Variants in MTFR2 observed in about 807,000 individuals in gnomAD.
MTFR2 encodes the protein DUF729 domain-containing protein 1.
A neutral mutation model predicts 41.2 loss-of-function variants in MTFR2; 44 were observed. The ratio of observed to expected loss-of-function variants is 1.07; its 90% CI spans 0.84 to 1.37. The LOEUF (loss-of-function observed/expected upper bound fraction) is 1.37. Among genes scored for constraint, MTFR2 ranks in the 40% most tolerant of loss-of-function variants. The pLI is 0.00. For missense variants in MTFR2, 452 were observed against 459.5 expected, an observed-to-expected ratio of 0.98 and a Z score of 0.15; for synonymous variants, 141 against 154.6, an observed-to-expected ratio of 0.91 and a Z score of 0.65.
In MTFR2 at chr6:136,239,586, TTC is replaced by T; in HGVS notation, c.747_748del (p.Asn250ProfsTer4). The T allele has an allele frequency of 1.2e-6, 2 of 1,614,098 alleles. No homozygotes were observed. Among genetic ancestry groups the T allele is most frequent in the South Asian group, 1.1e-5 (1 of 91,080 alleles). ...ATAATTGGTCTTATTAGCAGCCGGG[TTC>T]TGTTTGCTCATTTCAGTTGCTGGAT... On this transcript the variant is annotated frameshift_variant, in exon 6 of 8. Coordinates refer to ENST00000420702, the MANE Select transcript of MTFR2 (RefSeq NM_001099286.3). LOFTEE classifies it high-confidence loss of function.
At chr6:136,243,060 T>A in intron 3 of MTFR2, 87 bp from the exon 4 acceptor site, 2 of 759,158 alleles carry the variant, frequency 2.6e-6, no homozygotes, top group Non-Finnish European at 4.0e-6. Context: ...TAGTTAACAA[T>A]CCAAAAGAAA....
chr6:136,241,007 C>T (rs923359762), intron 5 of MTFR2, among the ~76,000 whole-genome samples: 6 of 151,002 alleles, frequency 4.0e-5, no homozygotes, highest in South Asian at 2.1e-4. Context: ...AGGAGAATGG[C>T]GTGAACCCGG....
At chr6:136,243,004 G>A in intron 3 of MTFR2, 31 bp from the exon 4 acceptor site, 1 of 1,496,868 alleles carries the variant, frequency 6.7e-7, no homozygotes. Flanking sequence ...AATAGTCAGA[G>A]CTCTGCAGGG....
In MTFR2 at chr6:136,242,943, CAG is replaced by C. The variant is rs767946861; in HGVS notation, c.197_198del (p.Ser66Ter). The C allele has an allele frequency of 3.4e-5, 54 of 1,610,128 alleles. No individual in the cohort carries two copies. The African/African-American group carries it at 7.0e-4, about 21-fold the overall frequency. ...ELIPLLNSVD[S>X]DNCGSMVPSF... ...GATGGAACCATAGATCCACAATTAT[CAG>C]AGTCTACAGAGTTCAAGAGCGGGAT... On this transcript the variant is annotated frameshift_variant, in exon 4 of 8. Coordinates refer to ENST00000420702, the MANE Select transcript of MTFR2 (RefSeq NM_001099286.3). LOFTEE classifies it high-confidence loss of function.
chr6:136,242,996 TAGTC>T (rs756388356), intron 3 of MTFR2, 23 bp from the exon 4 acceptor site: 91 of 1,545,626 alleles, frequency 5.9e-5, no homozygotes, highest in African/African-American at 9.8e-5. Context: ...AAGAAAAAAA[TAGTC>T]AGAGCTCTGC....
At chr6:136,241,731 G>GTTTATACCTCTTTTGATT in intron 4 of MTFR2, 55 bp from the exon 5 acceptor site, 1 of 1,345,510 alleles carries the variant, frequency 7.4e-7, no homozygotes, top group Non-Finnish European at 1.0e-6. Flanking sequence ...AATCAAAAGA[G>GTTTATACCTCTTTTGATT]GTATAAACTC....
intron 2 of MTFR2, chr6:136,248,788 C>T: frequency 2.2e-6 from 1 of 452,254 alleles, no homozygotes; most frequent in Non-Finnish European, 3.9e-6. Context: ...TTCTGTGAAG[C>T]TCATGTCTAT....
Position 136,233,318 on chromosome 6 carries a change from A to G in MTFR2, c.1044+7T>C. Reference sequence around the variant, plus strand: ...TGAAAAATTAATTTTACATTAGTGTAGCTTACCCTTGAAGTTTCTGGACTA... The same window carrying G: ...TGAAAAATTAATTTTACATTAGTGTGGCTTACCCTTGAAGTTTCTGGACTA... On this transcript the variant is annotated splice_region_variant and intron_variant, in intron 7 of 7. Transcript: ENST00000420702. The G allele has an allele frequency of 6.2e-7, 1 of 1,609,944 alleles. No individual in the cohort carries two copies.
In MTFR2 at chr6:136,231,043, A is replaced by T. The variant is rs538543787; in HGVS notation, c.*232T>A. The T allele has an allele frequency of 1.4e-5, 5 of 348,630 alleles. No homozygotes were observed. Among genetic ancestry groups the T allele is most frequent in the Non-Finnish European group, 2.6e-5 (5 of 194,538 alleles). 21.6% of individuals were successfully genotyped at this position (348,630 alleles called of 1,614,324 possible). ...ACAAAACACAAGCAAGTTCAAAAAG[A>T]ATGTTTATTTTAAGCTCTATGTACA... On this transcript the variant is annotated 3_prime_UTR_variant, in exon 8 of 8. Coordinates refer to ENST00000420702, the MANE Select transcript of MTFR2 (RefSeq NM_001099286.3).
chr6:136,237,707 G>C (rs1007075108), intron 6 of MTFR2, among the ~76,000 whole-genome samples: 23 of 151,956 alleles, frequency 1.5e-4, no homozygotes, highest in African/African-American at 5.6e-4. Flanking sequence ...CTACTCGGGA[G>C]GCTGCAGCAA....
chr6:136,237,110 C>T (rs1562208269), intron 6 of MTFR2, among the ~76,000 whole-genome samples: 1 of 152,186 alleles, frequency 6.6e-6, no homozygotes, highest in Non-Finnish European at 1.5e-5. Context: ...TGTGTAATCC[C>T]CATCCCTCCT....
intron 7 of MTFR2, among the ~76,000 whole-genome samples, chr6:136,232,206 A>G (rs1779779095): frequency 1.3e-5 from 2 of 152,194 alleles, no homozygotes; most frequent in South Asian, 4.2e-4. Context: ...CACACACTGG[A>G]GTGGCAATGT....
chr6:136,231,385 C>T lies in MTFR2; in HGVS notation c.1048G>A (p.Gly350Arg). The T allele has an allele frequency of 6.3e-7, 1 of 1,585,148 alleles. No homozygotes were observed. The highest frequency in any genetic ancestry group is 8.6e-7 in the Non-Finnish European group (1 of 1,161,450). The change falls in exon 8 of 8, where the codon GGA (glycine) becomes AGA (arginine). Residue 350 changes from glycine (G) to arginine (R), a missense_variant. Coordinates refer to ENST00000420702, the MANE Select transcript of MTFR2 (RefSeq NM_001099286.3). The part of the protein sequence containing the change: ...PFSSPETSRF[G>R]HHISQSEGQR... Reference sequence around the variant, plus strand: ...CCTTCTGACTGTGAAATGTGATGTCCAAACTGAAATAAAGCAAATATTTAA... The same window carrying T: ...CCTTCTGACTGTGAAATGTGATGTCTAAACTGAAATAAAGCAAATATTTAA...
At chr6:136,248,483 G>T (rs547586602) in intron 2 of MTFR2, among the ~76,000 whole-genome samples, 4 of 152,194 alleles carry the variant, frequency 2.6e-5, no homozygotes, top group Non-Finnish European at 4.4e-5. Context: ...AAGCTCTCTT[G>T]CCTGCCACCA....
At chr6:136,245,766 A>G (rs572857567) in intron 2 of MTFR2, among the ~76,000 whole-genome samples, 1 of 152,308 alleles carries the variant, frequency 6.6e-6, no homozygotes, top group Admixed American at 6.5e-5. Context: ...CACTCAAGAC[A>G]TTTGGGATTT....
intron 5 of MTFR2, among the ~76,000 whole-genome samples, chr6:136,240,151 A>T (rs1421009205): frequency 6.6e-6 from 1 of 152,168 alleles, no homozygotes; most frequent in Non-Finnish European, 1.5e-5. Context: ...CTAAAACAGA[A>T]ATCAACAACT....
rs564791862 is a variant in MTFR2 at position 136,239,648 on chromosome 6, T to C, written c.687A>G (p.Val229=). The part of the protein sequence containing the change: ...SSLQPPCFPP[V]QPGSNNICDS... ...CACAAATATTATTAGATCCTGGTTG[T>C]ACGGGAGGAAAACACGGTGGCTGGA... is the stretch of plus-strand genomic sequence containing the variant. The change falls in exon 6 of 8, where the codon GTA becomes GTG. Residue 229 remains valine, a synonymous_variant. Transcript: ENST00000420702. 67 of 1,613,968 alleles carry C rather than the reference T, an allele frequency of 4.2e-5. No homozygotes were observed. In the South Asian group the frequency reaches 5.9e-4, roughly 14 times the overall value.
At chr6:136,240,984 G>C (rs992322667) in intron 5 of MTFR2, among the ~76,000 whole-genome samples, 3 of 152,014 alleles carry the variant, frequency 2.0e-5, no homozygotes, top group African/African-American at 4.8e-5. Flanking sequence ...CCAGCTACTC[G>C]AGAGGCTGAG....
intron 1 of MTFR2, 131 bp from the exon 2 acceptor site, chr6:136,249,284 G>C (rs1474314231): frequency 2.0e-6 from 1 of 508,150 alleles, no homozygotes; most frequent in Non-Finnish European, 3.4e-6. Flanking sequence ...TTTTAAGTCA[G>C]AGAAAAAGAA....
Sources: gnomAD v4.1 joint callset for allele counts (sites outside exome capture counted in the v4.1 genomes callset) on GRCh38, gnomAD v4.1.1 for gene constraint, MANE v1.5 for transcripts, NCBI Gene and HGNC (gene_info 2026-07-23, HGNC 2026-07-21) for gene names.